The following IL16 variants were observed in gnomAD, a reference collection of about 807,000 sequenced individuals.
IL16 encodes the protein interleukin 16, also known as pro-interleukin-16.
IL16 carries 67 observed loss-of-function variants against 110.1 expected under a neutral mutation model. The observed-to-expected ratio is 0.61, with a 90% CI of 0.50 to 0.75. IL16 has a LOEUF of 0.75. IL16 is among the 30% of genes least tolerant of loss of function. The pLI, the probability that IL16 is intolerant of heterozygous loss-of-function variation, is 0.00. For synonymous variants in IL16, 689 were observed against 662.9 expected (o/e 1.04, Z -0.61); for missense variants, 1,545 against 1,655.0 (o/e 0.93, Z 1.15).
intron 11 of IL16, 81 bp from the exon 12 acceptor site, chr15:81,292,475 G>A (rs751693494): frequency 3.6e-5 from 57 of 1,588,274 alleles, no homozygotes; most frequent in African/African-American, 5.4e-5. Context: ...TGTGCTGCCC[G>A]TGGCAGTCAC....
chr15:81,311,878 G>A lies in IL16; in HGVS notation c.*3080G>A, dbSNP rs766333276. ...GTAGTTGCAATAGAACAGAGAAAGA[G>A]GAAGCTTTCTGTCTCCTTAACACTG... On this transcript the variant is annotated 3_prime_UTR_variant, in exon 19 of 19. Transcript: ENST00000683961. The A allele has an allele frequency of 1.3e-5, 2 of 152,194 alleles. No individual in the cohort carries two copies. Among genetic ancestry groups the A allele is most frequent in the African/African-American group, 2.4e-5 (1 of 41,444 alleles). 9.4% of individuals were successfully genotyped at this position (152,194 alleles called of 1,614,324 possible).
intron 2 of IL16, among the ~76,000 whole-genome samples, chr15:81,227,219 C>A (rs1361655778): frequency 6.6e-6 from 1 of 151,926 alleles, no homozygotes; most frequent in African/African-American, 2.4e-5. Context: ...CCTATTGCAA[C>A]TTTTATTCTG....
intron 2 of IL16, among the ~76,000 whole-genome samples, chr15:81,247,070 C>CTCTTT (rs1567016849): frequency 5.6e-5 from 6 of 107,608 alleles, no homozygotes; most frequent in African/African-American, 2.1e-4. Context: ...TCTTTCTTTT[C>CTCTTT]TTTTCCTTTT....
chr15:81,256,777 GGATA>G (rs1897963185), intron 2 of IL16, among the ~76,000 whole-genome samples: 1 of 152,156 alleles, frequency 6.6e-6, no homozygotes, highest in Non-Finnish European at 1.5e-5. Context: ...TGCTCCTCAT[GGATA>G]AGTAGACCAA....
At chr15:81,199,574 T>C (rs1895735368) in intron 1 of IL16, among the ~76,000 whole-genome samples, 1 of 152,210 alleles carries the variant, frequency 6.6e-6, no homozygotes, top group South Asian at 2.1e-4. Context: ...AGTCTTGGCA[T>C]GTGCAGCTGG....
At chr15:81,210,039 TG>T (rs202030977) in intron 1 of IL16, among the ~76,000 whole-genome samples, 376 of 152,340 alleles carry the variant, frequency 2.5e-3, no homozygotes, top group African/African-American at 8.6e-3. Context: ...AGTTGGTTTT[TG>T]TATATGGTGA....
chr15:81,305,886 T>C (rs752234665), intron 16 of IL16, 22 bp from the exon 17 acceptor site: 2 of 1,610,942 alleles, frequency 1.2e-6, no homozygotes, highest in Admixed American at 1.7e-5. Flanking sequence ...TTTCTGGTCC[T>C]GACTTCCTTT....
At chr15:81,197,718 T>A (rs1173526514) in intron 1 of IL16, among the ~76,000 whole-genome samples, 2 of 151,254 alleles carry the variant, frequency 1.3e-5, no homozygotes, top group African/African-American at 2.5e-5. Flanking sequence ...TTGTTTTTGT[T>A]TTTTGTTTGT....
chr15:81,278,966 C>T (rs1012350801), intron 7 of IL16, 76 bp downstream of exon 7: 18 of 984,936 alleles, frequency 1.8e-5, no homozygotes, highest in African/African-American at 4.8e-5. Flanking sequence ...GCATCCAAAC[C>T]TACAAATTCA....
chr15:81,257,019 C>T (rs1420720906), intron 2 of IL16, among the ~76,000 whole-genome samples: 1 of 152,180 alleles, frequency 6.6e-6, no homozygotes, highest in Non-Finnish European at 1.5e-5. Context: ...ATTCAGAGAA[C>T]GACTCATTAT....
chr15:81,269,529 T>C lies in IL16; in HGVS notation c.565-9T>C. 1 of 1,604,046 alleles carries C rather than the reference T, an allele frequency of 6.2e-7. No homozygotes were observed. Among genetic ancestry groups the C allele is most frequent in the Non-Finnish European group, 8.5e-7 (1 of 1,170,916 alleles). ...CTAATCTTCTGCCTACTCTGGTTCC[T>C]TGTTGCAGGGAACTTCGAGACCAAC... On this transcript the variant is annotated splice_polypyrimidine_tract_variant and intron_variant, in intron 4 of 18. Coordinates refer to ENST00000683961, the MANE Select transcript of IL16 (RefSeq NM_172217.5).
At chr15:81,206,896 G>A (rs8024006) in intron 1 of IL16, among the ~76,000 whole-genome samples, 25,229 of 151,864 alleles carry the variant, frequency 0.17, 4,729 homozygotes, top group African/African-American at 0.46. Flanking sequence ...TGATGATGAC[G>A]ATGACATGGT....
chr15:81,233,476 TGTGTGTG>T (rs2142072697), intron 2 of IL16, among the ~76,000 whole-genome samples: 2 of 143,730 alleles, frequency 1.4e-5, no homozygotes, highest in African/African-American at 5.9e-5. Flanking sequence ...TGTGTGTGTG[TGTGTGTG>T]TGTGTGTGTG....
chr15:81,201,024 G>A (rs1895792267), intron 1 of IL16, among the ~76,000 whole-genome samples: 2 of 152,274 alleles, frequency 1.3e-5, no homozygotes, highest in Admixed American at 6.5e-5. Flanking sequence ...AAGTGCAGAT[G>A]CCAGAGAATC....
chr15:81,244,194 A>G (rs1347485174), intron 2 of IL16, among the ~76,000 whole-genome samples: 1 of 152,194 alleles, frequency 6.6e-6, no homozygotes, highest in Non-Finnish European at 1.5e-5. Flanking sequence ...CACAGTGTTA[A>G]CATTTTTTGC....
intron 1 of IL16, among the ~76,000 whole-genome samples, chr15:81,217,942 C>T (rs1289104523): frequency 6.6e-6 from 1 of 152,054 alleles, no homozygotes; most frequent in African/African-American, 2.4e-5. Context: ...GAAAACACTG[C>T]AGGAATTTCC....
At chr15:81,224,943 C>A (rs1272097198) in intron 1 of IL16, among the ~76,000 whole-genome samples, 3 of 152,292 alleles carry the variant, frequency 2.0e-5, no homozygotes, top group African/African-American at 7.2e-5. Context: ...AAAAACCTCA[C>A]AAAGTACTGG....
At position 81,299,719 on chromosome 15, in the gene IL16, G is replaced by T. The variant is rs763701961; in HGVS notation, c.2393G>T (p.Gly798Val). Residue 798 changes from glycine to valine, a missense_variant, in exon 14 of 19, where the codon GGT becomes GTT. By Grantham distance (109) the Gly-to-Val change is moderately radical. This residue lies in a region of IL16 where 1,185 missense variants were observed against 1,238.8 expected (regional missense o/e 0.96). Transcript: ENST00000683961. ...GCCTGGTTTCGCCAAAGCTTGAAAG[G>T]TTTGAGGAATCGTGCTTCAGACCCA... The part of the protein sequence containing the change: ...KPAWFRQSLK[G>V]LRNRASDPRG... The T allele has an allele frequency of 1.2e-6, 2 of 1,614,120 alleles. No homozygotes were observed. The highest frequency in any genetic ancestry group is 1.7e-6 in the Non-Finnish European group (2 of 1,180,056).
chr15:81,278,234 C>G lies in IL16; in HGVS notation c.791-583C>G, dbSNP rs1305526819. On this transcript the variant is annotated intron_variant, in intron 6 of 18. Transcript: ENST00000683961. Reference sequence around the variant, plus strand: ...TATATCATCTAATAAGACAAAATCCCTGTCCCCAACAAGCTGCCAGCCTGG... The same window carrying G: ...TATATCATCTAATAAGACAAAATCCGTGTCCCCAACAAGCTGCCAGCCTGG... 2.6e-5 allele frequency among the ~76,000 whole-genome samples: 4 copies of G among 152,140 alleles called. No homozygotes were observed. In the East Asian group the frequency reaches 7.7e-4, roughly 29 times the overall value.
Sources: allele counts gnomAD v4.1 joint callset (sites outside exome capture counted in the v4.1 genomes callset), GRCh38; gene constraint gnomAD v4.1.1; regional missense constraint gnomAD v4.1.1; transcripts MANE v1.5; gene names NCBI Gene and HGNC (gene_info 2026-07-23, HGNC 2026-07-21).